Variants in ITGB3BP observed in about 807,000 individuals in gnomAD.
ITGB3BP encodes centromere protein R.
A neutral mutation model predicts 29.1 loss-of-function variants in ITGB3BP; 27 were observed. That is an observed-to-expected ratio of 0.93 (90% CI 0.68 to 1.28). The LOEUF (loss-of-function observed/expected upper bound fraction) is 1.28, where lower values mean the gene tolerates loss of function less well. Ranked by LOEUF, ITGB3BP falls within the 50% of genes most tolerant of loss-of-function variation. The pLI is 0.00. For synonymous variants in ITGB3BP, 61 were observed against 61.4 expected, an observed-to-expected ratio of 0.99 and a Z score of 0.03; for missense variants, 192 against 200.2, an observed-to-expected ratio of 0.96 and a Z score of 0.25.
intron 1 of ITGB3BP, among the ~76,000 whole-genome samples, chr1:63,518,999 C>A (rs1328454920): frequency 6.6e-6 from 1 of 152,118 alleles, no homozygotes; most frequent in African/African-American, 2.4e-5. Context: ...TTATAGTCAA[C>A]TCCCTCTACA....
intron 2 of ITGB3BP, among the ~76,000 whole-genome samples, chr1:63,502,789 T>C (rs542023089): frequency 6.6e-6 from 1 of 151,824 alleles, no homozygotes; most frequent in Non-Finnish European, 1.5e-5. Context: ...CTTGCGATAT[T>C]TGCTGAGAAT....
At position 63,490,119 on chromosome 1, in the gene ITGB3BP, A is replaced by C; in HGVS notation, c.148T>G (p.Ser50Ala). Residue 50 changes from serine to alanine, a missense_variant, in exon 3 of 9, where the codon TCT (serine) becomes GCT (alanine). Ser to Ala is a moderately conservative substitution (Grantham distance 99). Transcript: ENST00000271002. ...QMSLFASPTSSEEQKHRNGLS... is the reference protein window; with the variant it reads ...QMSLFASPTSAEEQKHRNGLS... ...CCATTTCTGTGCTTTTGCTCTTCAG[A>C]ACTTGTGGGAGAAGCAAATAGACTC... The C allele has an allele frequency of 2.5e-6, 4 of 1,611,832 alleles. No homozygotes were observed. Among genetic ancestry groups the C allele is most frequent in the Non-Finnish European group, 3.4e-6 (4 of 1,178,548 alleles).
Position 63,490,185 on chromosome 1 carries a change from T to C in ITGB3BP, c.82A>G (p.Ser28Gly), listed in dbSNP as rs1450344400. 1 of 1,586,064 alleles carries C rather than the reference T, an allele frequency of 6.3e-7. No individual in the cohort carries two copies. The highest frequency in any genetic ancestry group is 1.7e-5 in the Admixed American group (1 of 59,238). ...FDPSKITRKK[S>G]VITYSPTTGT... ...GTTGTTGGAGAATAAGTTATAACAC[T>C]TTTCTTCCTTGTGATTTTTGAAGGA... Residue 28 changes from serine (S) to glycine (G), a missense_variant, in exon 3 of 9, where the codon AGT becomes GGT. Transcript: ENST00000271002.
chr1:63,472,697 C>T (rs985830576), intron 4 of ITGB3BP, among the ~76,000 whole-genome samples: 2 of 151,464 alleles, frequency 1.3e-5, no homozygotes, highest in Non-Finnish European at 3.0e-5. Context: ...GGCTGGTCTC[C>T]AGCTCCTAAC....
intron 4 of ITGB3BP, among the ~76,000 whole-genome samples, chr1:63,477,930 TG>T (rs1393384906): frequency 6.6e-6 from 1 of 152,156 alleles, no homozygotes; most frequent in Non-Finnish European, 1.5e-5. Context: ...TCAATATCTG[TG>T]GAGAATTGGT....
intron 1 of ITGB3BP, 68 bp downstream of exon 1, chr1:63,523,061 G>A: frequency 6.4e-7 from 1 of 1,571,210 alleles, no homozygotes; most frequent in South Asian, 1.1e-5. Context: ...AGGCTACTGG[G>A]CCACATAATA....
chr1:63,472,987 G>T (rs1645235806), intron 4 of ITGB3BP, among the ~76,000 whole-genome samples: 1 of 151,318 alleles, frequency 6.6e-6, no homozygotes, highest in Non-Finnish European at 1.5e-5. Flanking sequence ...TCTGGAAAGT[G>T]AGGAGCGTCT....
intron 4 of ITGB3BP, among the ~76,000 whole-genome samples, chr1:63,456,143 A>G (rs1644932882): frequency 6.6e-6 from 1 of 152,180 alleles, no homozygotes; most frequent in African/African-American, 2.4e-5. Context: ...TCAAGATTAC[A>G]TCAGTGTTAG....
chr1:63,514,226 A>G (rs1309496479), intron 1 of ITGB3BP, among the ~76,000 whole-genome samples: 1 of 152,206 alleles, frequency 6.6e-6, no homozygotes, highest in Non-Finnish European at 1.5e-5. Context: ...TTTTTAATTA[A>G]TATTCTATCT....
intron 4 of ITGB3BP, among the ~76,000 whole-genome samples, chr1:63,464,739 T>C (rs936462472): frequency 5.3e-5 from 8 of 152,202 alleles, no homozygotes; most frequent in Non-Finnish European, 8.8e-5. Context: ...TGTAATCAAA[T>C]GATTAAAATT....
intron 1 of ITGB3BP, among the ~76,000 whole-genome samples, chr1:63,520,316 T>G (rs973545618): frequency 1.3e-5 from 2 of 152,158 alleles, no homozygotes; most frequent in Non-Finnish European, 2.9e-5. Context: ...AAGATTCAAA[T>G]CCTGGTTTGT....
chr1:63,508,703 A>G (rs765765368), intron 1 of ITGB3BP, 133 bp from the exon 2 acceptor site: 18 of 488,894 alleles, frequency 3.7e-5, no homozygotes, highest in Non-Finnish European at 6.3e-5. Flanking sequence ...ATTAAAGCAG[A>G]ATACCATATG....
intron 4 of ITGB3BP, among the ~76,000 whole-genome samples, chr1:63,467,866 T>C (rs1049229174): frequency 1.3e-5 from 2 of 152,314 alleles, no homozygotes; most frequent in Non-Finnish European, 1.5e-5. Context: ...CCTGAAGTAA[T>C]CTTACATACT....
upstream of ITGB3BP, among the ~76,000 whole-genome samples, chr1:63,525,155 A>T (rs1187767814): frequency 6.6e-6 from 1 of 152,150 alleles, no homozygotes; most frequent in African/African-American, 2.4e-5. Flanking sequence ...ACATGTATTA[A>T]CTGATTTGCT....
At chr1:63,512,671 A>G (rs1290386538) in intron 1 of ITGB3BP, among the ~76,000 whole-genome samples, 1 of 152,168 alleles carries the variant, frequency 6.6e-6, no homozygotes, top group Non-Finnish European at 1.5e-5. Flanking sequence ...CATAAAGTTG[A>G]TAATAACACA....
intron 7 of ITGB3BP, among the ~76,000 whole-genome samples, chr1:63,448,987 T>C (rs933859131): frequency 3.3e-5 from 5 of 152,322 alleles, no homozygotes; most frequent in African/African-American, 1.2e-4. Context: ...CATGACTAAA[T>C]GCTTCACAGA....
At chr1:63,516,114 C>T (rs1346249144) in intron 1 of ITGB3BP, among the ~76,000 whole-genome samples, 1 of 150,860 alleles carries the variant, frequency 6.6e-6, no homozygotes, top group Non-Finnish European at 1.5e-5. Flanking sequence ...ATTATCTTAA[C>T]TGGAATAACT....
At chr1:63,465,521 T>C (rs1008071559) in intron 4 of ITGB3BP, among the ~76,000 whole-genome samples, 2 of 151,832 alleles carry the variant, frequency 1.3e-5, no homozygotes, top group Non-Finnish European at 2.9e-5. Context: ...GCTTCCTCAG[T>C]AGTGGGACTA....
At chr1:63,514,922 G>A (rs1235373685) in intron 1 of ITGB3BP, among the ~76,000 whole-genome samples, 4 of 137,106 alleles carry the variant, frequency 2.9e-5, no homozygotes, top group Non-Finnish European at 6.1e-5. Context: ...CTCCAGCCTG[G>A]TGACAGAGCG....
Sources: allele counts gnomAD v4.1 joint callset (sites outside exome capture counted in the v4.1 genomes callset), GRCh38; gene constraint gnomAD v4.1.1; transcripts MANE v1.5; gene names NCBI Gene and HGNC (gene_info 2026-07-23, HGNC 2026-07-21).